The following CEP112 variants were observed in gnomAD, a reference collection of about 807,000 sequenced individuals.
CEP112 encodes the protein centrosomal protein 112.
In CEP112, 127 loss-of-function variants were observed where a neutral mutation model predicts 153.0. The ratio of observed to expected loss-of-function variants is 0.83; its 90% confidence interval spans 0.72 to 0.96. The LOEUF (loss-of-function observed/expected upper bound fraction) is 0.96. Among genes scored for constraint, CEP112 ranks in the 40% least tolerant of loss-of-function variants. CEP112 has a pLI of 0.00. For missense variants in CEP112, 1,089 were observed against 1,101.2 expected (o/e 0.99, Z 0.16); for synonymous variants, 358 against 374.4 (o/e 0.96, Z 0.51).
intron 4 of CEP112, among the ~76,000 whole-genome samples, chr17:66,143,417 A>C (rs552558635): frequency 4.6e-5 from 7 of 152,312 alleles, no homozygotes; most frequent in African/African-American, 1.2e-4. Flanking sequence ...AGTGCCTGAA[A>C]AAAGCAAAAC....
At chr17:65,756,081 G>A (rs1261362577) in intron 21 of CEP112, among the ~76,000 whole-genome samples, 1 of 152,082 alleles carries the variant, frequency 6.6e-6, no homozygotes, top group Middle Eastern at 3.2e-3. Context: ...GGGACATGAG[G>A]AGGAAACAGA....
At chr17:65,653,858 A>G (rs2045915837) in intron 24 of CEP112, among the ~76,000 whole-genome samples, 2 of 152,066 alleles carry the variant, frequency 1.3e-5, no homozygotes, top group Non-Finnish European at 2.9e-5. Flanking sequence ...CAGGAGGTCA[A>G]GACCAGCCTG....
At chr17:65,980,027 C>A (rs1195037505) in intron 17 of CEP112, among the ~76,000 whole-genome samples, 1 of 152,026 alleles carries the variant, frequency 6.6e-6, no homozygotes, top group African/African-American at 2.4e-5. Flanking sequence ...TCACATAACA[C>A]CCCATTAAAA....
In CEP112 at chr17:65,977,734, A is replaced by C. The variant is rs557739408; in HGVS notation, c.1737-16136T>G. 8.5e-5 allele frequency among the ~76,000 whole-genome samples: 13 copies of C among 152,294 alleles called. No homozygotes were observed. In the South Asian group the frequency reaches 1.0e-3, roughly 12 times the overall value. ...GGTGGGAGGATCCCTTGAAGCCAGG[A>C]ATTTGAGACCAGCCTGGGCAACAAC... On this transcript the variant is annotated intron_variant, in intron 17 of 26. Coordinates refer to ENST00000535342, the MANE Select transcript of CEP112 (RefSeq NM_001199165.4).
At chr17:65,811,557 G>A (rs924487969) in intron 21 of CEP112, among the ~76,000 whole-genome samples, 13 of 152,150 alleles carry the variant, frequency 8.5e-5, no homozygotes, top group African/African-American at 1.4e-4. Flanking sequence ...TCAAGAAACC[G>A]AGAGGCCAAT....
chr17:66,165,234 A>G (rs1382268108), intron 4 of CEP112, among the ~76,000 whole-genome samples: 1 of 142,574 alleles, frequency 7.0e-6, no homozygotes, highest in African/African-American at 2.5e-5. Context: ...TGTTCTGCCC[A>G]ACACAGTAGC....
intron 11 of CEP112, among the ~76,000 whole-genome samples, chr17:66,057,632 CATA>C (rs992784327): frequency 6.6e-6 from 1 of 151,958 alleles, no homozygotes; most frequent in African/African-American, 2.4e-5. Context: ...ATGTAGAATA[CATA>C]ATAATTGTTG....
At chr17:66,066,753 GATGT>G (rs2067135035) in intron 10 of CEP112, 21 bp downstream of exon 10, 1 of 1,363,634 alleles carries the variant, frequency 7.3e-7, no homozygotes, top group Non-Finnish European at 9.8e-7. Context: ...GTTATTAAAA[GATGT>G]ATGTAACAAC....
chr17:66,168,433 G>GTA (rs199719780), intron 4 of CEP112, among the ~76,000 whole-genome samples: 1 of 146,990 alleles, frequency 6.8e-6, no homozygotes, highest in Non-Finnish European at 1.5e-5. Context: ...GTATATATAT[G>GTA]TATATATATG....
intron 24 of CEP112, among the ~76,000 whole-genome samples, chr17:65,659,036 AAAAAAT>A (rs1319570343): frequency 1.3e-5 from 2 of 149,604 alleles, no homozygotes; most frequent in African/African-American, 5.0e-5. Context: ...AAAAAAAAAA[AAAAAAT>A]ATCAGACCAT....
intron 23 of CEP112, among the ~76,000 whole-genome samples, chr17:65,701,938 G>A (rs1014929557): frequency 1.0e-4 from 10 of 99,088 alleles, no homozygotes; most frequent in Non-Finnish European, 1.5e-4. Context: ...TTGCTCTGTT[G>A]CCCAGGCTGT....
chr17:65,883,365 T>C (rs977150158), intron 20 of CEP112, among the ~76,000 whole-genome samples: 1 of 151,796 alleles, frequency 6.6e-6, no homozygotes, highest in Non-Finnish European at 1.5e-5. Context: ...TACACACACA[T>C]ACATTTTTTC....
chr17:65,787,193 C>T (rs764042611), intron 21 of CEP112, among the ~76,000 whole-genome samples: 2 of 152,098 alleles, frequency 1.3e-5, no homozygotes, highest in Non-Finnish European at 2.9e-5. Flanking sequence ...TGCTCTTGGG[C>T]CTTAGGCCAG....
At chr17:65,660,229 T>C (rs866396691) in intron 24 of CEP112, among the ~76,000 whole-genome samples, 53 of 97,744 alleles carry the variant, frequency 5.4e-4, no homozygotes, top group African/African-American at 2.4e-3. Context: ...CCCTCCCTCC[T>C]TCCTTCCTCT....
intron 21 of CEP112, among the ~76,000 whole-genome samples, chr17:65,781,178 C>A (rs1346734935): frequency 6.6e-6 from 1 of 152,030 alleles, no homozygotes; most frequent in Non-Finnish European, 1.5e-5. Flanking sequence ...CTCAAGGATA[C>A]AAAATCAATG....
chr17:65,799,182 A>G (rs1041025355), intron 21 of CEP112, among the ~76,000 whole-genome samples: 7 of 152,178 alleles, frequency 4.6e-5, no homozygotes, highest in African/African-American at 1.4e-4. Flanking sequence ...TAGGCAAAAA[A>G]TTTCCTGAAT....
intron 23 of CEP112, among the ~76,000 whole-genome samples, chr17:65,741,141 A>T (rs905382586): frequency 1.2e-4 from 19 of 152,294 alleles, no homozygotes; most frequent in South Asian, 8.3e-4. Context: ...GATGACAGAA[A>T]TACCTTCCTC....
At chr17:66,054,499 T>C (rs1031158004) in intron 11 of CEP112, among the ~76,000 whole-genome samples, 9 of 152,208 alleles carry the variant, frequency 5.9e-5, no homozygotes, top group African/African-American at 2.2e-4. Context: ...ACTGTTTAAA[T>C]GGATGAGCTT....
intron 20 of CEP112, among the ~76,000 whole-genome samples, chr17:65,879,373 C>A (rs1358119004): frequency 6.6e-6 from 1 of 152,180 alleles, no homozygotes; most frequent in Non-Finnish European, 1.5e-5. Flanking sequence ...CTGGAACCTC[C>A]AGAAGGAGCC....
Sources: gnomAD v4.1 joint callset for allele counts (sites outside exome capture counted in the v4.1 genomes callset) on GRCh38, gnomAD v4.1.1 for gene constraint, MANE v1.5 for transcripts, NCBI Gene and HGNC (gene_info 2026-07-23, HGNC 2026-07-21) for gene names.